The following TAF2 variants were observed in gnomAD, a reference collection of about 807,000 sequenced individuals.
The protein encoded by TAF2 is TATA-box binding protein associated factor 2, also known as transcription initiation factor TFIID subunit 2.
TAF2 carries 61 observed loss-of-function variants against 138.5 expected under a neutral mutation model. That is an observed-to-expected ratio of 0.44 (90% CI 0.36 to 0.54). The LOEUF (loss-of-function observed/expected upper bound fraction) is 0.54. TAF2 is among the 20% of genes least tolerant of loss of function. The pLI is 0.00. For missense variants in TAF2, 1,090 were observed against 1,427.9 expected (o/e 0.76, Z 3.81); for synonymous variants, 475 against 469.9 (o/e 1.01, Z -0.14).
chr8:119,750,677 G>A (rs1340196504), intron 22 of TAF2, among the ~76,000 whole-genome samples: 2 of 152,086 alleles, frequency 1.3e-5, no homozygotes, highest in African/African-American at 4.8e-5. Context: ...AAGGTATTAG[G>A]GAGAGAGACG....
In TAF2 at chr8:119,731,195, C is replaced by T. The variant is rs1341594363; in HGVS notation, c.*729G>A. On this transcript the variant is annotated 3_prime_UTR_variant, in exon 26 of 26. Coordinates refer to ENST00000378164, the MANE Select transcript of TAF2 (RefSeq NM_003184.4). ...CATTTATACTTACTGGAAAACAAAA[C>T]AAAAAAACTTATAATTTAAACATCT... 1.3e-5 allele frequency: 2 copies of T among 152,010 alleles called. No homozygotes were observed. Among genetic ancestry groups the T allele is most frequent in the African/African-American group, 4.8e-5 (2 of 41,418 alleles). The allele number at this position is 152,010 out of a possible 1,614,324, so 9.4% of individuals were successfully genotyped here. A position where few individuals can be genotyped will look rare whatever the true frequency, so the allele number is the denominator to read the frequency against.
intron 18 of TAF2, among the ~76,000 whole-genome samples, chr8:119,776,346 GC>G (rs1267631310): frequency 6.7e-5 from 7 of 103,822 alleles, no homozygotes; most frequent in African/African-American, 2.0e-4. Context: ...ACATGCCTGT[GC>G]TTTTTTTTTT....
intron 2 of TAF2, among the ~76,000 whole-genome samples, chr8:119,825,414 C>A (rs1030480981): frequency 6.6e-6 from 1 of 152,206 alleles, no homozygotes; most frequent in Non-Finnish European, 1.5e-5. Flanking sequence ...TCTGATGAGA[C>A]TTAGGACTGT....
At chr8:119,780,669 C>T (rs1474332993) in intron 17 of TAF2, among the ~76,000 whole-genome samples, 1 of 152,144 alleles carries the variant, frequency 6.6e-6, no homozygotes, top group African/African-American at 2.4e-5. Flanking sequence ...GGCGCGGTGG[C>T]TCACACCTGT....
chr8:119,795,272 G>A (rs1358943489), intron 9 of TAF2, among the ~76,000 whole-genome samples: 1 of 152,068 alleles, frequency 6.6e-6, no homozygotes, highest in African/African-American at 2.4e-5. Flanking sequence ...CTACTATAAG[G>A]AGCTGGGACA....
At chr8:119,789,039 C>T in intron 12 of TAF2, 135 bp from the exon 13 acceptor site, 2 of 661,428 alleles carry the variant, frequency 3.0e-6, no homozygotes, top group Non-Finnish European at 5.4e-6. Flanking sequence ...CTACAGTAAA[C>T]CAGGTGGCAA....
chr8:119,810,396 C>G (rs890242519), intron 3 of TAF2, among the ~76,000 whole-genome samples: 6 of 152,248 alleles, frequency 3.9e-5, no homozygotes, highest in Admixed American at 6.5e-5. Flanking sequence ...CATTGACCAG[C>G]TGAAGGGCAT....
chr8:119,750,342 A>G (rs1232066657), intron 22 of TAF2, among the ~76,000 whole-genome samples: 1 of 152,244 alleles, frequency 6.6e-6, no homozygotes, highest in Non-Finnish European at 1.5e-5. Flanking sequence ...CTCCGTCTCA[A>G]AAAAACAAAC....
intron 8 of TAF2, among the ~76,000 whole-genome samples, chr8:119,796,004 A>G (rs1262995327): frequency 6.6e-6 from 1 of 152,100 alleles, no homozygotes; most frequent in Non-Finnish European, 1.5e-5. Flanking sequence ...AAAAGTCTAC[A>G]TGCTATTATT....
Position 119,824,653 on chromosome 8 carries a change from G to A in TAF2, c.139-5147C>T, listed in dbSNP as rs181707538. On this transcript the variant is annotated intron_variant, in intron 2 of 25. Transcript: ENST00000378164. ...TGTGGGCCAGGCCCAGGGTCCCTAC[G>A]CTGTGTGCAGCCTAGGGACTTGATG... Among the ~76,000 whole-genome samples, 1,121 of 152,198 alleles carry A rather than the reference G, an allele frequency of 7.4e-3. 17 individuals are homozygous for A. Among genetic ancestry groups the A allele is most frequent in the African/African-American group, 0.026 (1,063 of 41,526 alleles).
chr8:119,771,262 T>A (rs1211121976), intron 18 of TAF2, among the ~76,000 whole-genome samples: 2 of 151,838 alleles, frequency 1.3e-5, no homozygotes, highest in African/African-American at 4.8e-5. Flanking sequence ...TTGAGACAGG[T>A]TCTCGCTCTG....
chr8:119,796,924 G>T, intron 8 of TAF2, 66 bp downstream of exon 8: 2 of 1,154,906 alleles, frequency 1.7e-6, no homozygotes, highest in Non-Finnish European at 2.6e-6. Context: ...CAGCTTAAAT[G>T]CAGAGAAAGA....
At chr8:119,779,955 C>T (rs6469845) in intron 17 of TAF2, among the ~76,000 whole-genome samples, 45,253 of 152,000 alleles carry the variant, frequency 0.3, 7,803 homozygotes, top group African/African-American at 0.47. Context: ...CTGTGTCATA[C>T]ATGCCTCAAG....
intron 2 of TAF2, among the ~76,000 whole-genome samples, chr8:119,830,515 T>G (rs913698645): frequency 3.4e-4 from 52 of 152,158 alleles, no homozygotes; most frequent in African/African-American, 1.2e-3. Context: ...ATAATACAAC[T>G]CAAGTATCCT....
intron 2 of TAF2, among the ~76,000 whole-genome samples, chr8:119,826,133 G>A (rs1395777660): frequency 6.6e-6 from 1 of 151,870 alleles, no homozygotes; most frequent in Non-Finnish European, 1.5e-5. Context: ...CTAGGGGAGG[G>A]ATAACATTAG....
intron 18 of TAF2, among the ~76,000 whole-genome samples, chr8:119,769,851 G>A (rs35954443): frequency 0.27 from 41,027 of 151,064 alleles, 6,816 homozygotes; most frequent in Admixed American, 0.46. Context: ...TCCGCCTCCC[G>A]GGTTCAAGCG....
At chr8:119,821,683 C>A (rs1825813696) in intron 2 of TAF2, among the ~76,000 whole-genome samples, 1 of 152,168 alleles carries the variant, frequency 6.6e-6, no homozygotes, top group African/African-American at 2.4e-5. Flanking sequence ...GCTAGTAACT[C>A]CAGCCCACTG....
chr8:119,825,028 A>C (rs1367114717), intron 2 of TAF2, among the ~76,000 whole-genome samples: 1 of 152,234 alleles, frequency 6.6e-6, no homozygotes, highest in Non-Finnish European at 1.5e-5. Flanking sequence ...TCCAGACCCC[A>C]GAATGGTTCA....
intron 3 of TAF2, among the ~76,000 whole-genome samples, chr8:119,812,953 T>C (rs1283668047): frequency 6.6e-6 from 1 of 152,214 alleles, no homozygotes; most frequent in Non-Finnish European, 1.5e-5. Flanking sequence ...TATTTTCCTT[T>C]TAATAGATAG....
Sources: gnomAD v4.1 joint callset for allele counts (sites outside exome capture counted in the v4.1 genomes callset) on GRCh38, gnomAD v4.1.1 for gene constraint, MANE v1.5 for transcripts, NCBI Gene and HGNC (gene_info 2026-07-23, HGNC 2026-07-21) for gene names.